NRXN1: variants seen among roughly 807,000 people sequenced by gnomAD.
NRXN1 encodes the protein neurexin-1.
Under a neutral mutation model 150.9 loss-of-function variants are expected in NRXN1, and 39 were observed. That is an observed-to-expected ratio of 0.26 (90% CI 0.20 to 0.34). The LOEUF is 0.34. NRXN1 is among the 10% of genes least tolerant of loss of function. The pLI, the probability that NRXN1 is intolerant of heterozygous loss-of-function variation, is 1.00. For synonymous variants in NRXN1, 924 were observed against 757.0 expected (o/e 1.22, Z -3.62); for missense variants, 1,815 against 1,949.9 (o/e 0.93, Z 1.30).
intron 15 of NRXN1, among the ~76,000 whole-genome samples, chr2:50,477,972 G>C (rs2090124022): frequency 6.6e-6 from 1 of 152,140 alleles, no homozygotes. Context: ...GGTAGTTTCT[G>C]AGCACATTCT....
rs559010317 is a variant in NRXN1 at position 50,587,576 on chromosome 2, A to C, written c.1320+32446T>G. Among the ~76,000 whole-genome samples the C allele has an allele frequency of 2.6e-5, 4 of 152,322 alleles. No homozygotes were observed. In the South Asian group the frequency reaches 8.3e-4, roughly 32 times the overall value. ...CATCGGTGATATGCTAGGTGAAGTT[A>C]AGTGGTTCAAAAACTGTATTTAATT... On this transcript the variant is annotated intron_variant, in intron 8 of 22. Coordinates refer to ENST00000401669, the MANE Select transcript of NRXN1 (RefSeq NM_001330078.2).
chr2:50,165,633 G>C (rs954886321), intron 18 of NRXN1, among the ~76,000 whole-genome samples: 3 of 152,136 alleles, frequency 2.0e-5, no homozygotes, highest in African/African-American at 4.8e-5. Context: ...ACAGGCGTGA[G>C]CCACCCACCG....
chr2:50,271,553 A>G (rs534124089), intron 17 of NRXN1, among the ~76,000 whole-genome samples: 1 of 152,302 alleles, frequency 6.6e-6, no homozygotes, highest in African/African-American at 2.4e-5. Context: ...GTGTTAAAAC[A>G]TATTAGGACA....
chr2:50,627,795 T>C (rs1386628760), intron 5 of NRXN1, among the ~76,000 whole-genome samples: 1 of 151,678 alleles, frequency 6.6e-6, no homozygotes, highest in Non-Finnish European at 1.5e-5. Context: ...TATATGACCC[T>C]CAAATTCATA....
intron 5 of NRXN1, among the ~76,000 whole-genome samples, chr2:50,910,108 C>A (rs1421861135): frequency 6.6e-6 from 1 of 151,748 alleles, no homozygotes; most frequent in African/African-American, 2.4e-5. Flanking sequence ...CTTTCTGCCC[C>A]CTTCCATTTT....
At chr2:50,844,077 A>G (rs1272264785) in intron 5 of NRXN1, among the ~76,000 whole-genome samples, 4 of 152,094 alleles carry the variant, frequency 2.6e-5, no homozygotes, top group African/African-American at 9.7e-5. Context: ...TCCAAACCCA[A>G]AGAATGGACC....
intron 5 of NRXN1, among the ~76,000 whole-genome samples, chr2:50,742,791 C>T (rs955062224): frequency 1.3e-5 from 2 of 152,044 alleles, no homozygotes; most frequent in African/African-American, 2.4e-5. Context: ...ATAATAACAT[C>T]GGCAGATTCT....
At chr2:50,725,996 G>C (rs990850446) in intron 5 of NRXN1, among the ~76,000 whole-genome samples, 1 of 152,158 alleles carries the variant, frequency 6.6e-6, no homozygotes, top group African/African-American at 2.4e-5. Context: ...ACCAGCGTCA[G>C]ATTAAAGAGC....
chr2:50,464,953 G>C (rs2088659119), intron 17 of NRXN1, among the ~76,000 whole-genome samples: 1 of 151,808 alleles, frequency 6.6e-6, no homozygotes, highest in Non-Finnish European at 1.5e-5. Context: ...TAAGATACAA[G>C]GGAGAATGGC....
intron 17 of NRXN1, among the ~76,000 whole-genome samples, chr2:50,257,522 T>C (rs1482442678): frequency 1.3e-5 from 2 of 151,984 alleles, no homozygotes; most frequent in African/African-American, 4.8e-5. Flanking sequence ...GGCTTGAAAA[T>C]GTCTTTCTCA....
intron 13 of NRXN1, among the ~76,000 whole-genome samples, chr2:50,500,330 A>G (rs2091882562): frequency 6.6e-6 from 1 of 152,152 alleles, no homozygotes; most frequent in African/African-American, 2.4e-5. Flanking sequence ...TGAAGCAACT[A>G]TGGCCCAGTT....
chr2:50,666,881 GTGT>G (rs1265359449), intron 5 of NRXN1, among the ~76,000 whole-genome samples: 5 of 144,260 alleles, frequency 3.5e-5, no homozygotes, highest in African/African-American at 1.3e-4. Flanking sequence ...TGATGATGAT[GTGT>G]GTGTGTGTGT....
At chr2:50,634,828 T>G (rs1293585883) in intron 5 of NRXN1, among the ~76,000 whole-genome samples, 3 of 152,152 alleles carry the variant, frequency 2.0e-5, no homozygotes, top group African/African-American at 4.8e-5. Flanking sequence ...CATATAGTCC[T>G]CTTTCTGTGG....
intron 5 of NRXN1, among the ~76,000 whole-genome samples, chr2:50,893,857 GT>G (rs1309622261): frequency 6.6e-6 from 1 of 152,006 alleles, no homozygotes; most frequent in Non-Finnish European, 1.5e-5. Context: ...GCGGTGTTTG[GT>G]TTTTTGTTCT....
Position 50,178,179 on chromosome 2 carries a change from C to T in NRXN1, c.3546+58610G>A, listed in dbSNP as rs529394891. Among the ~76,000 whole-genome samples the T allele has an allele frequency of 1.1e-3, 164 of 152,162 alleles. 1 individual carries two copies. In the South Asian group the frequency reaches 0.015, roughly 14 times the overall value. ...AATGATCTAAGTTACATTCTAAAAT[C>T]GATATGAGCTGCAATTCTGAGAACA... On this transcript the variant is annotated intron_variant, in intron 18 of 22. Transcript: ENST00000401669.
At chr2:50,824,159 T>C (rs1425013832) in intron 5 of NRXN1, among the ~76,000 whole-genome samples, 1 of 152,054 alleles carries the variant, frequency 6.6e-6, no homozygotes, top group Non-Finnish European at 1.5e-5. Flanking sequence ...AAAGAGAAAG[T>C]AGAATAAGAG....
At chr2:50,440,455 G>A (rs2085850763) in intron 17 of NRXN1, among the ~76,000 whole-genome samples, 1 of 151,826 alleles carries the variant, frequency 6.6e-6, no homozygotes. Flanking sequence ...CAAACTGATT[G>A]TATCTCTGCC....
chr2:50,167,920 TAGA>T (rs1426565221), intron 18 of NRXN1, among the ~76,000 whole-genome samples: 1 of 152,202 alleles, frequency 6.6e-6, no homozygotes, highest in Non-Finnish European at 1.5e-5. Flanking sequence ...ATTTCTCCAC[TAGA>T]AGGACTGGAT....
At chr2:50,842,097 A>T (rs1054870279) in intron 5 of NRXN1, among the ~76,000 whole-genome samples, 1 of 152,238 alleles carries the variant, frequency 6.6e-6, no homozygotes, top group Non-Finnish European at 1.5e-5. Flanking sequence ...TCAAGTACCC[A>T]GCATCTTTCT....
Sources: allele counts gnomAD v4.1 joint callset (sites outside exome capture counted in the v4.1 genomes callset), GRCh38; gene constraint gnomAD v4.1.1; transcripts MANE v1.5; gene names NCBI Gene and HGNC (gene_info 2026-07-23, HGNC 2026-07-21).